FHIP1A: variants seen among roughly 807,000 people sequenced by gnomAD.
FHIP1A encodes FHF complex subunit HOOK interacting protein 1A, also known as FHF complex subunit HOOK-interacting protein 1A.
Under a neutral mutation model 88.6 loss-of-function variants are expected in FHIP1A, and 61 were observed. The observed-to-expected ratio is 0.69, with a 90% CI of 0.56 to 0.85. The LOEUF is 0.85. Ranked by LOEUF, FHIP1A falls within the 40% of genes least tolerant of loss-of-function variation. FHIP1A has a pLI of 0.00. For synonymous variants in FHIP1A, 478 were observed against 496.0 expected, an observed-to-expected ratio of 0.96 and a Z score of 0.48; for missense variants, 1,154 against 1,273.5, an observed-to-expected ratio of 0.91 and a Z score of 1.43.
Position 151,450,534 on chromosome 4 carries a change from G to C in FHIP1A, c.-355-4167G>C, listed in dbSNP as rs62327216. Reference sequence around the variant, plus strand: ...AAACCATGCTGCAGTGAACATTCTTGTCTGTATATCTTGGTATGCTTACAC... The same window carrying C: ...AAACCATGCTGCAGTGAACATTCTTCTCTGTATATCTTGGTATGCTTACAC... On this transcript the variant is annotated intron_variant, in intron 1 of 13. Coordinates refer to ENST00000435205, the MANE Select transcript of FHIP1A (RefSeq NM_001109977.3). 6.7e-3 allele frequency among the ~76,000 whole-genome samples: 1,015 copies of C among 152,192 alleles called. 4 individuals carry two copies. Among genetic ancestry groups the C allele is most frequent in the Non-Finnish European group, 0.01 (702 of 68,000 alleles).
rs1177320049 is a variant in FHIP1A, at chr4:151,409,209, A to G, written c.-612A>G. Reference sequence around the variant, plus strand: ...ACGCGCCTCAGCCCGCGGCTGACGCACCTTCGAAAAGTTGCGCTCCGACCT... The same window carrying G: ...ACGCGCCTCAGCCCGCGGCTGACGCGCCTTCGAAAAGTTGCGCTCCGACCT... On this transcript the variant is annotated 5_prime_UTR_variant, in exon 1 of 14. Coordinates refer to ENST00000435205, the MANE Select transcript of FHIP1A (RefSeq NM_001109977.3). 1 of 150,180 alleles carries G rather than the reference A, an allele frequency of 6.7e-6. No individual in the cohort carries two copies. The highest frequency in any genetic ancestry group is 1.5e-5 in the Non-Finnish European group (1 of 67,612). The allele number at this position is 150,180 out of a possible 1,614,324, so 9.3% of individuals were successfully genotyped here.
chr4:151,574,855 T>A (rs1733723486), intron 4 of FHIP1A, among the ~76,000 whole-genome samples: 1 of 152,206 alleles, frequency 6.6e-6, no homozygotes, highest in Non-Finnish European at 1.5e-5. Context: ...TATTGTATGG[T>A]GATATAACAT....
intron 9 of FHIP1A, among the ~76,000 whole-genome samples, chr4:151,640,803 G>A (rs1427077007): frequency 1.3e-5 from 2 of 152,140 alleles, no homozygotes; most frequent in African/African-American, 2.4e-5. Context: ...GCCTTTAGAA[G>A]GTGAGTGCTG....
intron 3 of FHIP1A, among the ~76,000 whole-genome samples, chr4:151,549,003 C>G (rs1732617309): frequency 1.3e-5 from 2 of 152,214 alleles, no homozygotes; most frequent in African/African-American, 2.4e-5. Flanking sequence ...CAGGTACCCT[C>G]TACTGTTGTG....
At chr4:151,603,745 A>G (rs532525066) in intron 7 of FHIP1A, among the ~76,000 whole-genome samples, 24 of 152,282 alleles carry the variant, frequency 1.6e-4, no homozygotes, top group African/African-American at 5.5e-4. Flanking sequence ...CCTGGCATAG[A>G]ACTCTTAATC....
At chr4:151,556,569 T>C (rs1220657880) in intron 3 of FHIP1A, among the ~76,000 whole-genome samples, 1 of 152,122 alleles carries the variant, frequency 6.6e-6, no homozygotes, top group Non-Finnish European at 1.5e-5. Flanking sequence ...CCGTGCAGAT[T>C]TCAGTGTATA....
intron 1 of FHIP1A, among the ~76,000 whole-genome samples, chr4:151,411,163 G>T (rs1334138552): frequency 1.3e-5 from 2 of 152,096 alleles, no homozygotes; most frequent in African/African-American, 4.8e-5. Context: ...TGCATTGCTG[G>T]ACAGTTCTGT....
chr4:151,482,055 T>C (rs1729915173), intron 2 of FHIP1A, among the ~76,000 whole-genome samples: 1 of 152,108 alleles, frequency 6.6e-6, no homozygotes, highest in Non-Finnish European at 1.5e-5. Context: ...GAACTATGAA[T>C]TGTCAGTATC....
intron 3 of FHIP1A, among the ~76,000 whole-genome samples, chr4:151,496,342 T>G (rs1444240313): frequency 6.6e-6 from 1 of 152,012 alleles, no homozygotes; most frequent in African/African-American, 2.4e-5. Context: ...AATACTCATA[T>G]TCGGTAGCTT....
At chr4:151,519,414 G>A (rs1731374816) in intron 3 of FHIP1A, among the ~76,000 whole-genome samples, 1 of 151,968 alleles carries the variant, frequency 6.6e-6, no homozygotes, top group African/African-American at 2.4e-5. Flanking sequence ...TTGTGTTTTA[G>A]TAGCTTTTTT....
intron 7 of FHIP1A, among the ~76,000 whole-genome samples, chr4:151,612,905 G>A (rs1735380915): frequency 6.6e-6 from 1 of 152,122 alleles, no homozygotes; most frequent in African/African-American, 2.4e-5. Context: ...ATGAAGTTAG[G>A]GTCACTTTGT....
intron 7 of FHIP1A, among the ~76,000 whole-genome samples, chr4:151,622,344 T>C (rs1224998201): frequency 2.0e-5 from 3 of 152,278 alleles, no homozygotes; most frequent in East Asian, 3.9e-4. Context: ...AGTACTTTCT[T>C]CTGATGCAAA....
At chr4:151,418,964 A>G (rs1346910105) in intron 1 of FHIP1A, among the ~76,000 whole-genome samples, 1 of 152,150 alleles carries the variant, frequency 6.6e-6, no homozygotes, top group Non-Finnish European at 1.5e-5. Flanking sequence ...TTTCCAAACT[A>G]TAGCTGTGCT....
intron 5 of FHIP1A, among the ~76,000 whole-genome samples, chr4:151,581,981 C>A (rs571327496): frequency 3.9e-5 from 6 of 151,928 alleles, no homozygotes; most frequent in African/African-American, 1.5e-4. Flanking sequence ...TTGGTGCCAA[C>A]AAAAGGATGG....
intron 1 of FHIP1A, among the ~76,000 whole-genome samples, chr4:151,421,842 C>T (rs987253708): frequency 6.6e-5 from 10 of 152,020 alleles, no homozygotes; most frequent in South Asian, 2.1e-4. Flanking sequence ...ACAGAAGTGG[C>T]AGTTTCCTTG....
At chr4:151,472,840 G>C (rs1188671508) in intron 2 of FHIP1A, among the ~76,000 whole-genome samples, 2 of 152,124 alleles carry the variant, frequency 1.3e-5, no homozygotes, top group Non-Finnish European at 2.9e-5. Flanking sequence ...GTATAAAAAA[G>C]CTATTTTTGA....
At chr4:151,447,970 A>C (rs1260206782) in intron 1 of FHIP1A, among the ~76,000 whole-genome samples, 1 of 152,160 alleles carries the variant, frequency 6.6e-6, no homozygotes, top group Non-Finnish European at 1.5e-5. Flanking sequence ...GTGCAGTGGC[A>C]CAATCTCAGC....
intron 3 of FHIP1A, among the ~76,000 whole-genome samples, chr4:151,527,228 GGCACCATTGA>G (rs2126706113): frequency 6.6e-6 from 1 of 152,324 alleles, no homozygotes; most frequent in South Asian, 2.1e-4. Flanking sequence ...CTCCAGCCTG[GGCACCATTGA>G]GCACTGAGTG....
chr4:151,482,966 C>G (rs1165013850), intron 3 of FHIP1A, among the ~76,000 whole-genome samples: 1 of 151,964 alleles, frequency 6.6e-6, no homozygotes, highest in Admixed American at 6.6e-5. Flanking sequence ...GATGATCATA[C>G]CTGGGGTTCT....
Sources: gnomAD v4.1 joint callset for allele counts (sites outside exome capture counted in the v4.1 genomes callset) on GRCh38, gnomAD v4.1.1 for gene constraint, MANE v1.5 for transcripts, NCBI Gene and HGNC (gene_info 2026-07-23, HGNC 2026-07-21) for gene names.